The following MED12L variants were observed in gnomAD, a reference collection of about 807,000 sequenced individuals.
MED12L encodes the protein mediator of RNA polymerase II transcription subunit 12-like protein.
In MED12L, 60 loss-of-function variants were observed where a neutral mutation model predicts 281.3. The observed-to-expected ratio is 0.21, with a 90% CI of 0.17 to 0.26. The LOEUF (loss-of-function observed/expected upper bound fraction) is 0.26. Among genes scored for constraint, MED12L ranks in the 10% least tolerant of loss-of-function variants. The probability of loss-of-function intolerance (pLI) is 1.00; values close to 1 mark genes in which losing one functional copy is unlikely to be tolerated. For missense variants in MED12L, 2,146 were observed against 2,680.9 expected, an observed-to-expected ratio of 0.80 and a Z score of 4.41; for synonymous variants, 974 against 987.2, an observed-to-expected ratio of 0.99 and a Z score of 0.25.
chr3:151,087,362 G>A (rs890528656), intron 2 of MED12L, among the ~76,000 whole-genome samples: 4 of 152,168 alleles, frequency 2.6e-5, no homozygotes, highest in African/African-American at 9.7e-5. Context: ...TTTTCTTCTT[G>A]CCGCTTCGGT....
At chr3:151,155,045 G>T (rs1377550458) in intron 5 of MED12L, among the ~76,000 whole-genome samples, 4 of 152,138 alleles carry the variant, frequency 2.6e-5, no homozygotes, top group Non-Finnish European at 5.9e-5. Flanking sequence ...GTTATCTCTG[G>T]GTTCTGTTAA....
At chr3:151,222,506 G>A (rs1348970463) in intron 16 of MED12L, among the ~76,000 whole-genome samples, 4 of 152,148 alleles carry the variant, frequency 2.6e-5, no homozygotes, top group Non-Finnish European at 5.9e-5. Flanking sequence ...CTGTTCTTGT[G>A]ATAGTGGATG....
At position 151,160,093 on chromosome 3, in the gene MED12L, A is replaced by G. The variant is rs1719790443; in HGVS notation, c.1099A>G (p.Met367Val). 3 of 1,595,992 alleles carry G rather than the reference A, an allele frequency of 1.9e-6. No homozygotes were observed. The highest frequency in any genetic ancestry group is 2.6e-6 in the Non-Finnish European group (3 of 1,168,946). Residue 367 changes from methionine (M) to valine (V), a missense_variant, in exon 8 of 45, where the codon ATG (methionine) becomes GTG (valine). Met to Val is a conservative substitution (Grantham distance 21). This residue lies in a region of MED12L where 722 missense variants were observed against 861.2 expected (regional missense o/e 0.84). Transcript: ENST00000687756. ...HGPLVYGLSC[M>V]LQTVTLCCPS... ...TCCCCTGGTTTATGGACTTAGTTGT[A>G]TGTTGCAGGTAAGTCCTTGGCCCTT...
chr3:151,362,581 C>T (rs1308434763), intron 21 of MED12L, among the ~76,000 whole-genome samples: 1 of 152,232 alleles, frequency 6.6e-6, no homozygotes. Flanking sequence ...TTGCTACCCC[C>T]ACTGTAGATT....
intron 16 of MED12L, among the ~76,000 whole-genome samples, chr3:151,300,554 A>G (rs1745767184): frequency 6.6e-6 from 1 of 152,180 alleles, no homozygotes; most frequent in Non-Finnish European, 1.5e-5. Flanking sequence ...GGATTCTATC[A>G]CGTATTGACC....
At chr3:151,249,047 C>G (rs989447922) in intron 16 of MED12L, 6 of 152,192 alleles carry the variant, frequency 3.9e-5, no homozygotes, top group Non-Finnish European at 5.9e-5. Flanking sequence ...TGACATCTCG[C>G]CAAATGCTTG....
chr3:151,277,930 G>T (rs1379430047), intron 16 of MED12L, among the ~76,000 whole-genome samples: 2 of 152,180 alleles, frequency 1.3e-5, no homozygotes, highest in Non-Finnish European at 2.9e-5. Context: ...CGATTTTGTA[G>T]TTTTGAGAAG....
At chr3:151,354,613 A>T (rs1753689725) in intron 17 of MED12L, among the ~76,000 whole-genome samples, 1 of 152,212 alleles carries the variant, frequency 6.6e-6, no homozygotes, top group South Asian at 2.1e-4. Context: ...TTGTTTAGTG[A>T]GAAATGTTTA....
intron 16 of MED12L, chr3:151,294,871 C>T (rs556347559): frequency 1.2e-6 from 2 of 1,614,024 alleles, no homozygotes; most frequent in African/African-American, 1.3e-5. Context: ...TGGAAGTATA[C>T]ATGTTTGCAT....
intron 16 of MED12L, among the ~76,000 whole-genome samples, chr3:151,248,284 A>T (rs973651474): frequency 4.6e-5 from 7 of 152,148 alleles, no homozygotes; most frequent in Non-Finnish European, 7.4e-5. Flanking sequence ...TTCCTTTGAA[A>T]ATAAATTGTG....
chr3:151,193,075 A>G (rs528584199), intron 15 of MED12L, among the ~76,000 whole-genome samples: 4 of 152,334 alleles, frequency 2.6e-5, no homozygotes, highest in East Asian at 1.9e-4. Context: ...ATCACAATAT[A>G]TAACTTTAAA....
At position 151,436,230 on chromosome 3, in the gene MED12L, T is replaced by C. The variant is rs1393911975; in HGVS notation, c.*3426T>C. ...TTCTGTAGGTTTTAGCAAAAAAATT[T>C]ATAAACCACAAAATATTTATACATC... On this transcript the variant is annotated 3_prime_UTR_variant, in exon 45 of 45. Coordinates refer to ENST00000687756, the MANE Select transcript of MED12L (RefSeq NM_001393769.1). 1 of 153,826 alleles carries C rather than the reference T, an allele frequency of 6.5e-6. No individual in the cohort carries two copies. The highest frequency in any genetic ancestry group is 2.4e-5 in the African/African-American group (1 of 41,460). The allele number at this position is 153,826 out of a possible 1,614,324, so 9.5% of individuals were successfully genotyped here.
intron 41 of MED12L, among the ~76,000 whole-genome samples, chr3:151,412,794 G>C (rs1449587774): frequency 1.3e-5 from 2 of 152,068 alleles, no homozygotes; most frequent in African/African-American, 4.8e-5. Context: ...GACCTTAAAG[G>C]GCTCTCTGGT....
chr3:151,123,402 A>G (rs1434529267), intron 4 of MED12L, among the ~76,000 whole-genome samples: 1 of 152,228 alleles, frequency 6.6e-6, no homozygotes, highest in African/African-American at 2.4e-5. Flanking sequence ...AAGCAAGATA[A>G]AGATTGTGAT....
intron 31 of MED12L, among the ~76,000 whole-genome samples, chr3:151,378,964 T>C (rs1711715095): frequency 6.6e-6 from 1 of 152,230 alleles, no homozygotes; most frequent in African/African-American, 2.4e-5. Flanking sequence ...TTATCTTCTT[T>C]ATATCATGTT....
At chr3:151,336,770 G>T in intron 16 of MED12L, 1 of 310,932 alleles carries the variant, frequency 3.2e-6, no homozygotes, top group Non-Finnish European at 6.3e-6. Context: ...TTCTTAAATG[G>T]ATTTGATGTA....
chr3:151,355,070 C>G (rs367858892), intron 17 of MED12L, 51 bp from the exon 18 acceptor site: 101 of 1,348,404 alleles, frequency 7.5e-5, no homozygotes, highest in Non-Finnish European at 9.9e-5. Flanking sequence ...TTAAAAATGT[C>G]GAGAGCTTCT....
At chr3:151,215,898 G>A (rs1171197893) in intron 16 of MED12L, among the ~76,000 whole-genome samples, 1 of 152,132 alleles carries the variant, frequency 6.6e-6, no homozygotes. Flanking sequence ...CTGGACCTTT[G>A]CACAGACTTT....
chr3:151,338,609 G>A (rs1751367162), intron 16 of MED12L: 2 of 1,613,926 alleles, frequency 1.2e-6, no homozygotes, highest in Non-Finnish European at 1.7e-6. Flanking sequence ...TAAGAATTTT[G>A]AATGGAAAAG....
Sources: allele counts gnomAD v4.1 joint callset (sites outside exome capture counted in the v4.1 genomes callset), GRCh38; gene constraint gnomAD v4.1.1; regional missense constraint gnomAD v4.1.1; transcripts MANE v1.5; gene names NCBI Gene and HGNC (gene_info 2026-07-23, HGNC 2026-07-21).